Variants in C2orf42 observed in about 807,000 individuals in gnomAD.
C2orf42 encodes the protein chromosome 2 open reading frame 42, also known as uncharacterized protein C2orf42.
A neutral mutation model predicts 58.9 loss-of-function variants in C2orf42; 44 were observed. That is an observed-to-expected ratio of 0.75 (90% CI 0.59 to 0.96). The LOEUF is 0.96. Ranked by LOEUF, C2orf42 falls within the 40% of genes least tolerant of loss-of-function variation. The pLI is 0.00. For synonymous variants in C2orf42, 239 were observed against 265.4 expected, an observed-to-expected ratio of 0.90 and a Z score of 0.97; for missense variants, 630 against 699.2, an observed-to-expected ratio of 0.90 and a Z score of 1.12.
chr2:70,180,581 G>A (rs564185983), intron 3 of C2orf42, among the ~76,000 whole-genome samples: 31 of 119,564 alleles, frequency 2.6e-4, no homozygotes, highest in African/African-American at 6.7e-5. Context: ...GCACTCCAGC[G>A]TTTGTGATGG....
In C2orf42 at chr2:70,168,531, G is replaced by A. The variant is rs566480514; in HGVS notation, c.1144+1026C>T. 6.6e-5 allele frequency among the ~76,000 whole-genome samples: 10 copies of A among 150,826 alleles called. No individual in the cohort carries two copies. In the South Asian group the frequency reaches 1.5e-3, roughly 22 times the overall value. Reference sequence around the variant, plus strand: ...TCTCAATCTTCTGACCTCGTGATCCGCCCGCCTCAGCCTCCCAAAGTGCTG... The same window carrying A: ...TCTCAATCTTCTGACCTCGTGATCCACCCGCCTCAGCCTCCCAAAGTGCTG... On this transcript the variant is annotated intron_variant, in intron 6 of 9. Transcript: ENST00000264434.
At position 70,159,766 on chromosome 2, in the gene C2orf42, G is replaced by A. The variant is rs1352758522; in HGVS notation, c.1516+859C>T. On this transcript the variant is annotated intron_variant, in intron 9 of 9. Coordinates refer to ENST00000264434, the MANE Select transcript of C2orf42 (RefSeq NM_017880.3). ...TGCCCAGGCTGGTCTTGAATTCATG[G>A]CCTGAAGCGATCCTGCTGCCTCAGC... Among the ~76,000 whole-genome samples the A allele has an allele frequency of 2.0e-5, 3 of 151,956 alleles. No homozygotes were observed. The East Asian group carries it at 5.8e-4, about 29-fold the overall frequency.
At chr2:70,154,918 G>A (rs1403094485) in intron 9 of C2orf42, among the ~76,000 whole-genome samples, 1 of 151,952 alleles carries the variant, frequency 6.6e-6, no homozygotes, top group Non-Finnish European at 1.5e-5. Context: ...ACCATTCCTG[G>A]CTAATTTTTT....
chr2:70,179,691 A>G (rs1674425211), intron 3 of C2orf42, 49 bp from the exon 4 acceptor site: 2 of 773,328 alleles, frequency 2.6e-6, no homozygotes, highest in Non-Finnish European at 2.3e-6. Context: ...AAGGGTAAGT[A>G]TAAGTATAGG....
intron 6 of C2orf42, among the ~76,000 whole-genome samples, chr2:70,168,989 C>T (rs1051901367): frequency 1.3e-5 from 2 of 152,182 alleles, no homozygotes; most frequent in African/African-American, 4.8e-5. Flanking sequence ...TGTCGGATTA[C>T]AGGTGAGAGT....
At position 70,181,794 on chromosome 2, in the gene C2orf42, G is replaced by T. The variant is rs780919701; in HGVS notation, c.192C>A (p.Val64=). 4 of 1,614,128 alleles carry T rather than the reference G, an allele frequency of 2.5e-6. No individual in the cohort carries two copies. The highest frequency in any genetic ancestry group is 3.4e-6 in the Non-Finnish European group (4 of 1,180,022). Residue 64 remains valine (V), a synonymous_variant, in exon 3 of 10, where the codon GTC becomes GTA. Transcript: ENST00000264434. ...GAAGATCAGAGCCTGTAATGATTTT[G>T]ACAGCTTCAACACTAGGCTGCTTGC... ...GARKQPSVEA[V]KIITGSDLQV...
chr2:70,150,756 T>G (rs1202593200), intron 9 of C2orf42, among the ~76,000 whole-genome samples, 192 bp from the exon 10 acceptor site: 2 of 151,728 alleles, frequency 1.3e-5, no homozygotes, highest in Non-Finnish European at 3.0e-5. Context: ...GGTTATTTTG[T>G]TTTTTTTGAG....
chr2:70,181,836 T>C lies in C2orf42; in HGVS notation c.150A>G (p.Ile50Met). 6.2e-7 allele frequency: 1 copy of C among 1,614,182 alleles called. No homozygotes were observed. Residue 50 changes from isoleucine (I) to methionine (M), a missense_variant, in exon 3 of 10, where the codon ATA becomes ATG. Ile to Met is a conservative substitution (Grantham distance 10). Transcript: ENST00000264434. ...LSCKNKTCGT[I>M]FRYGARKQPS... is the part of the protein sequence containing the mutation. ...GCTGCTTGCGTGCACCGTAGCGGAA[T>C]ATGGTTCCACATGTCTTGTTCTTAC...
chr2:70,157,206 G>A (rs1046333647), intron 9 of C2orf42, among the ~76,000 whole-genome samples: 9 of 152,116 alleles, frequency 5.9e-5, no homozygotes, highest in Non-Finnish European at 1.0e-4. Context: ...TGTAATCCCA[G>A]CACTTTGGGC....
intron 5 of C2orf42, among the ~76,000 whole-genome samples, chr2:70,173,638 T>C (rs555886455): frequency 1.7e-4 from 26 of 152,130 alleles, no homozygotes; most frequent in African/African-American, 6.0e-4. Flanking sequence ...TTTTTTTCTT[T>C]ATTTTAGACA....
intron 9 of C2orf42, among the ~76,000 whole-genome samples, chr2:70,157,348 G>A (rs929495953): frequency 3.3e-5 from 5 of 152,116 alleles, no homozygotes; most frequent in African/African-American, 1.2e-4. Context: ...CAGCTACTCA[G>A]GAGGCTGAGG....
intron 6 of C2orf42, among the ~76,000 whole-genome samples, chr2:70,167,864 C>G (rs1281339509): frequency 6.6e-6 from 1 of 151,886 alleles, no homozygotes; most frequent in Non-Finnish European, 1.5e-5. Flanking sequence ...GAGGGTGGTA[C>G]AGGAATGGGA....
chr2:70,180,619 A>AAAG (rs1199460204), intron 3 of C2orf42, among the ~76,000 whole-genome samples: 1 of 150,532 alleles, frequency 6.6e-6, no homozygotes, highest in African/African-American at 2.4e-5. Context: ...AAAAAAAAAA[A>AAAG]AAAAAAAAAA....
chr2:70,176,071 T>C (rs923703411), intron 4 of C2orf42, among the ~76,000 whole-genome samples: 4 of 152,232 alleles, frequency 2.6e-5, no homozygotes, highest in African/African-American at 9.6e-5. Context: ...TTTTCTTCTC[T>C]GTGAATATGT....
intron 5 of C2orf42, among the ~76,000 whole-genome samples, chr2:70,173,680 A>G (rs1673988963): frequency 6.6e-6 from 1 of 151,998 alleles, no homozygotes; most frequent in Non-Finnish European, 1.5e-5. Flanking sequence ...GCAGTGGTGC[A>G]ATCATGACTC....
rs567847294 is a variant in C2orf42, at chr2:70,163,270, C to A, written c.1353+1822G>T. 5.3e-5 allele frequency among the ~76,000 whole-genome samples: 8 copies of A among 150,238 alleles called. No homozygotes were observed. In the South Asian group the frequency reaches 1.5e-3, roughly 28 times the overall value. Reference sequence around the variant, plus strand: ...CATACATATATATTTTTTGAGACAGCGTCTTGCTCTGTCGCCCAGGCTGGA... The same window carrying A: ...CATACATATATATTTTTTGAGACAGAGTCTTGCTCTGTCGCCCAGGCTGGA... On this transcript the variant is annotated intron_variant, in intron 8 of 9. Transcript: ENST00000264434.
intron 3 of C2orf42, 26 bp from the exon 4 acceptor site, chr2:70,179,668 A>G (rs1487160825): frequency 3.2e-6 from 3 of 941,038 alleles, no homozygotes; most frequent in Non-Finnish European, 5.2e-6. Context: ...TTTCTGAATT[A>G]TTAATCCTAT....
intron 9 of C2orf42, among the ~76,000 whole-genome samples, chr2:70,154,969 G>A (rs202229930): frequency 9.2e-5 from 14 of 151,868 alleles, no homozygotes; most frequent in Non-Finnish European, 1.5e-4. Flanking sequence ...AAAGGAGGCC[G>A]GGCATGGTGG....
At position 70,169,559 on chromosome 2, in the gene C2orf42, T is replaced by C. The variant is rs1246095128; in HGVS notation, c.1142A>G (p.Asp381Gly). 1 of 1,518,518 alleles carries C rather than the reference T, an allele frequency of 6.6e-7. No homozygotes were observed. The highest frequency in any genetic ancestry group is 9.1e-7 in the Non-Finnish European group (1 of 1,093,058). 94.1% of individuals were successfully genotyped at this position (1,518,518 alleles called of 1,614,324 possible). The change falls in exon 6 of 10, where the codon GAT becomes GGT. Residue 381 changes from aspartate to glycine, a missense_variant and splice_region_variant. Asp to Gly is a moderately conservative substitution (Grantham distance 94). Coordinates refer to ENST00000264434, the MANE Select transcript of C2orf42 (RefSeq NM_017880.3). ...RIHQTMHYQFDGKPEPLVFHI... is the reference protein window; with the variant it reads ...RIHQTMHYQFGGKPEPLVFHI... The stretch of plus-strand genomic sequence containing the variant: ...CCAGTTAGATGAACAATACTTACCA[T>C]CAAACTGATAGTGCATGGTTTGATG...
Sources: allele counts gnomAD v4.1 joint callset (sites outside exome capture counted in the v4.1 genomes callset), GRCh38; gene constraint gnomAD v4.1.1; transcripts MANE v1.5; gene names NCBI Gene and HGNC (gene_info 2026-07-23, HGNC 2026-07-21).